Variants in PI4K2B observed in about 807,000 individuals in gnomAD.
PI4K2B encodes phosphatidylinositol 4-kinase type 2-beta.
In PI4K2B, 46 loss-of-function variants were observed where a neutral mutation model predicts 56.6. The observed-to-expected ratio is 0.81, with a 90% confidence interval of 0.64 to 1.04. The LOEUF is 1.04. Ranked by LOEUF, PI4K2B falls within the 50% of genes least tolerant of loss-of-function variation. The probability of loss-of-function intolerance (pLI) is 0.00; values close to 1 mark genes in which losing one functional copy is unlikely to be tolerated. For missense variants in PI4K2B, 556 were observed against 607.7 expected, an observed-to-expected ratio of 0.91 and a Z score of 0.89; for synonymous variants, 211 against 223.8, an observed-to-expected ratio of 0.94 and a Z score of 0.51.
At chr4:25,252,224 A>G (rs1577685195) in intron 1 of PI4K2B, 97 bp from the exon 2 acceptor site, 1 of 868,688 alleles carries the variant, frequency 1.2e-6, no homozygotes, top group Non-Finnish European at 1.8e-6. Flanking sequence ...TCTTGATTAC[A>G]TTTTTCTGTA....
chr4:25,269,135 C>A lies in PI4K2B; in HGVS notation c.1213-9C>A. On this transcript the variant is annotated splice_polypyrimidine_tract_variant and intron_variant, in intron 8 of 9. Coordinates refer to ENST00000264864, the MANE Select transcript of PI4K2B (RefSeq NM_018323.4). ...ATTTTGGGAATTGTTTTTTTCCTTT[C>A]TATAATAGACTGACAAAGGATTTGA... The A allele has an allele frequency of 6.6e-7, 1 of 1,516,758 alleles. No individual in the cohort carries two copies. Among genetic ancestry groups the A allele is most frequent in the Non-Finnish European group, 9.1e-7 (1 of 1,099,292 alleles). The allele number at this position is 1,516,758 out of a possible 1,614,324, so 94.0% of individuals were successfully genotyped here.
At chr4:25,250,027 G>A (rs149123155) in intron 1 of PI4K2B, among the ~76,000 whole-genome samples, 1,623 of 152,280 alleles carry the variant, frequency 0.011, 34 homozygotes, top group African/African-American at 0.037. Flanking sequence ...AGACCAGCCC[G>A]GCCAACACGG....
chr4:25,244,437 G>A (rs1437537599), intron 1 of PI4K2B, among the ~76,000 whole-genome samples: 1 of 152,104 alleles, frequency 6.6e-6, no homozygotes, highest in East Asian at 1.9e-4. Flanking sequence ...TGGACATAAG[G>A]TATTTCACTT....
In PI4K2B at chr4:25,277,964, G is replaced by A. The variant is rs1371341978; in HGVS notation, c.*777G>A. Reference sequence around the variant, plus strand: ...TTCTTACATGGGATCAAATACTTGAGATTAGTACTTCAGAGTACTGGCCTT... The same window carrying A: ...TTCTTACATGGGATCAAATACTTGAAATTAGTACTTCAGAGTACTGGCCTT... On this transcript the variant is annotated 3_prime_UTR_variant, in exon 10 of 10. Transcript: ENST00000264864. The A allele has an allele frequency of 6.6e-6, 1 of 152,110 alleles. No individual in the cohort carries two copies. The highest frequency in any genetic ancestry group is 6.5e-5 in the Admixed American group (1 of 15,270). The allele number at this position is 152,110 out of a possible 1,614,324, so 9.4% of individuals were successfully genotyped here.
chr4:25,265,410 C>G (rs1716631111), intron 7 of PI4K2B, among the ~76,000 whole-genome samples: 1 of 151,734 alleles, frequency 6.6e-6, no homozygotes, highest in Admixed American at 6.6e-5. Flanking sequence ...TTTGCTTTTT[C>G]TTTTATAGAT....
At chr4:25,265,790 G>C (rs1218029290) in intron 7 of PI4K2B, among the ~76,000 whole-genome samples, 1 of 152,074 alleles carries the variant, frequency 6.6e-6, no homozygotes, top group African/African-American at 2.4e-5. Flanking sequence ...CCTATATATG[G>C]CCTATTTAGA....
At chr4:25,265,476 C>T (rs112408604) in intron 7 of PI4K2B, among the ~76,000 whole-genome samples, 12 of 152,214 alleles carry the variant, frequency 7.9e-5, no homozygotes, top group African/African-American at 2.4e-4. Context: ...TATCGCTTTC[C>T]TATAAATGCA....
At chr4:25,249,259 A>G (rs1208550891) in intron 1 of PI4K2B, among the ~76,000 whole-genome samples, 3 of 151,938 alleles carry the variant, frequency 2.0e-5, no homozygotes, top group Non-Finnish European at 4.4e-5. Context: ...TTTTCCCCAC[A>G]TTTCCCCCTT....
At chr4:25,257,467 A>C (rs931232901) in intron 4 of PI4K2B, among the ~76,000 whole-genome samples, 7 of 152,186 alleles carry the variant, frequency 4.6e-5, no homozygotes, top group African/African-American at 1.7e-4. Context: ...AGGACTTGGT[A>C]CATAGTAAAG....
chr4:25,267,834 T>C, intron 7 of PI4K2B: 14 of 979,374 alleles, frequency 1.4e-5, no homozygotes, highest in Non-Finnish European at 1.7e-5. Flanking sequence ...TACCTCCTAA[T>C]GATTTCAAAG....
intron 1 of PI4K2B, among the ~76,000 whole-genome samples, chr4:25,239,792 T>C (rs999248941): frequency 1.3e-5 from 2 of 152,194 alleles, no homozygotes; most frequent in African/African-American, 4.8e-5. Flanking sequence ...CACTGTCACC[T>C]CTCAATCCCC....
intron 2 of PI4K2B, among the ~76,000 whole-genome samples, chr4:25,253,921 G>A (rs1267360968): frequency 4.6e-5 from 7 of 152,052 alleles, no homozygotes; most frequent in South Asian, 2.1e-4. Flanking sequence ...ACAGGCGCTC[G>A]CCACCACGCC....
At chr4:25,249,793 A>G (rs1194492822) in intron 1 of PI4K2B, among the ~76,000 whole-genome samples, 4 of 151,188 alleles carry the variant, frequency 2.6e-5, no homozygotes, top group Non-Finnish European at 4.4e-5. Context: ...CCAGGCAGAG[A>G]CGCTCCTCAC....
intron 1 of PI4K2B, among the ~76,000 whole-genome samples, chr4:25,243,322 G>A (rs1241130447): frequency 1.3e-5 from 2 of 152,202 alleles, no homozygotes; most frequent in Admixed American, 6.5e-5. Context: ...TAGTGGACAT[G>A]GATGAGGGGG....
chr4:25,272,211 T>C (rs1395890051), intron 9 of PI4K2B, among the ~76,000 whole-genome samples: 1 of 151,980 alleles, frequency 6.6e-6, no homozygotes, highest in Non-Finnish European at 1.5e-5. Context: ...TACAAAGATG[T>C]GTCTGTGGCT....
At chr4:25,276,835 G>T in intron 9 of PI4K2B, 179 bp from the exon 10 acceptor site, 4 of 978,770 alleles carry the variant, frequency 4.1e-6, no homozygotes, top group Non-Finnish European at 4.9e-6. Flanking sequence ...GTGTGTGCGC[G>T]TGTGTGTGTA....
chr4:25,259,794 T>C (rs1716393444), intron 5 of PI4K2B, among the ~76,000 whole-genome samples: 1 of 152,198 alleles, frequency 6.6e-6, no homozygotes, highest in Non-Finnish European at 1.5e-5. Context: ...CTGGGCAGCA[T>C]GCGGCCTGCA....
chr4:25,268,375 C>A, intron 7 of PI4K2B, 68 bp from the exon 8 acceptor site: 1 of 1,327,316 alleles, frequency 7.5e-7, no homozygotes, highest in Non-Finnish European at 1.1e-6. Context: ...TAGGAAAGAA[C>A]CGGGAAAAAT....
At chr4:25,270,631 C>T (rs946058256) in intron 9 of PI4K2B, among the ~76,000 whole-genome samples, 3 of 152,134 alleles carry the variant, frequency 2.0e-5, no homozygotes, top group Admixed American at 6.5e-5. Context: ...CAGGTGTGTG[C>T]CACCGTGCCC....
Sources: allele counts gnomAD v4.1 joint callset (sites outside exome capture counted in the v4.1 genomes callset), GRCh38; gene constraint gnomAD v4.1.1; transcripts MANE v1.5; gene names NCBI Gene and HGNC (gene_info 2026-07-23, HGNC 2026-07-21).